Variants in MYO3B observed in about 807,000 individuals in gnomAD.
MYO3B encodes the protein myosin IIIB.
A neutral mutation model predicts 174.6 loss-of-function variants in MYO3B; 156 were observed. The ratio of observed to expected loss-of-function variants is 0.89; its 90% confidence interval spans 0.78 to 1.02. The LOEUF is 1.02. Among genes scored for constraint, MYO3B ranks in the 50% least tolerant of loss-of-function variants. The pLI is 0.00. For missense variants in MYO3B, 1,632 were observed against 1,639.4 expected, an observed-to-expected ratio of 1.00 and a Z score of 0.08; for synonymous variants, 563 against 569.1, an observed-to-expected ratio of 0.99 and a Z score of 0.15.
Position 170,235,939 on chromosome 2 carries a change from C to T in MYO3B, c.604-52C>T, listed in dbSNP as rs2093064737. The stretch of plus-strand genomic sequence containing the variant: ...AGATCAGCCCAGGGCCTTTTTAGGA[C>T]ATCTGATGTGGCAGTAGGGTTGATG... On this transcript the variant is annotated intron_variant, in intron 6 of 34. Coordinates refer to ENST00000408978, the MANE Select transcript of MYO3B (RefSeq NM_138995.5). 5 of 1,607,872 alleles carry T rather than the reference C, an allele frequency of 3.1e-6. No individual in the cohort carries two copies. In the South Asian group the frequency reaches 5.6e-5, roughly 18 times the overall value.
intron 32 of MYO3B, among the ~76,000 whole-genome samples, chr2:170,626,057 A>C (rs536223269): frequency 6.6e-6 from 1 of 152,176 alleles, no homozygotes; most frequent in African/African-American, 2.4e-5. Flanking sequence ...AGTTCTGTAG[A>C]TGTCTATTAT....
In MYO3B at chr2:170,392,447, A is replaced by G. The variant is rs774497084; in HGVS notation, c.1743A>G (p.Gln581=). The change falls in exon 16 of 35, where the codon CAA becomes CAG. Residue 581 remains glutamine, a synonymous_variant. Coordinates refer to ENST00000408978, the MANE Select transcript of MYO3B (RefSeq NM_138995.5). ...DITSKESYRR[Q]FEAIQHCFRI... Reference sequence around the variant, plus strand: ...CTTCCAAGGAGTCTTACAGAAGACAATTCGAAGCAATTCAGCATTGCTTCA... The same window carrying G: ...CTTCCAAGGAGTCTTACAGAAGACAGTTCGAAGCAATTCAGCATTGCTTCA... 6.3e-7 allele frequency: 1 copy of G among 1,599,172 alleles called. No homozygotes were observed. Among genetic ancestry groups the G allele is most frequent in the South Asian group, 1.1e-5 (1 of 87,912 alleles).
At chr2:170,198,519 C>T (rs1039855607) in intron 1 of MYO3B, among the ~76,000 whole-genome samples, 5 of 152,144 alleles carry the variant, frequency 3.3e-5, no homozygotes, top group Non-Finnish European at 5.9e-5. Flanking sequence ...ATTCTTCTGA[C>T]TATTGATTTT....
intron 32 of MYO3B, among the ~76,000 whole-genome samples, chr2:170,630,392 C>A (rs1260337161): frequency 6.6e-6 from 1 of 152,214 alleles, no homozygotes; most frequent in Non-Finnish European, 1.5e-5. Context: ...AACAAAGCTG[C>A]CAGGAAGCTC....
intron 15 of MYO3B, 143 bp downstream of exon 15, chr2:170,391,761 TA>T (rs2105767563): frequency 1.7e-6 from 1 of 588,122 alleles, no homozygotes; most frequent in Non-Finnish European, 3.0e-6. Flanking sequence ...TGGCAGGAAG[TA>T]TCCACCATTT....
chr2:170,203,001 TAA>T (rs1257182793), intron 3 of MYO3B, among the ~76,000 whole-genome samples: 1 of 152,232 alleles, frequency 6.6e-6, no homozygotes, highest in Admixed American at 6.5e-5. Flanking sequence ...AATTCATTAC[TAA>T]TTGTTAGTAG....
At chr2:170,231,161 G>A (rs10194327) in intron 6 of MYO3B, among the ~76,000 whole-genome samples, 102,467 of 152,096 alleles carry the variant, frequency 0.67, 35,039 homozygotes, top group African/African-American at 0.78. Context: ...ATAGATTCCC[G>A]CAGGAGAGGG....
intron 32 of MYO3B, chr2:170,641,085 G>C (rs1333179275): frequency 6.6e-6 from 1 of 152,152 alleles, no homozygotes; most frequent in South Asian, 2.1e-4. Flanking sequence ...TACTCCAATA[G>C]ACTGGCAACA....
chr2:170,650,672 C>CTTTTT (rs766676996), intron 32 of MYO3B, among the ~76,000 whole-genome samples: 3 of 76,992 alleles, frequency 3.9e-5, no homozygotes, highest in African/African-American at 1.2e-4. Context: ...TGAATTATGA[C>CTTTTT]TTTTTTTTTT....
intron 23 of MYO3B, among the ~76,000 whole-genome samples, chr2:170,451,581 A>C (rs1328005634): frequency 6.6e-6 from 1 of 152,276 alleles, no homozygotes; most frequent in African/African-American, 2.4e-5. Flanking sequence ...CTAAAGTCAC[A>C]TGAACAAAAA....
intron 6 of MYO3B, among the ~76,000 whole-genome samples, chr2:170,228,944 G>C (rs1574618495): frequency 8.7e-6 from 1 of 114,344 alleles, no homozygotes; most frequent in Non-Finnish European, 1.6e-5. Context: ...AGTTCATCTA[G>C]TCCATATTCC....
intron 32 of MYO3B, among the ~76,000 whole-genome samples, chr2:170,625,260 T>C (rs1256685803): frequency 6.6e-6 from 1 of 152,210 alleles, no homozygotes; most frequent in Admixed American, 6.5e-5. Flanking sequence ...TATTGGTCTA[T>C]TCAGAGATTC....
chr2:170,378,847 C>T (rs1362019675), intron 9 of MYO3B, among the ~76,000 whole-genome samples: 1 of 152,148 alleles, frequency 6.6e-6, no homozygotes, highest in African/African-American at 2.4e-5. Context: ...CCATTAAATC[C>T]AGGTCAGGAG....
intron 8 of MYO3B, among the ~76,000 whole-genome samples, chr2:170,339,392 A>G (rs75153656): frequency 6.1e-4 from 93 of 152,350 alleles, no homozygotes; most frequent in African/African-American, 2.2e-3. Context: ...AGTCGATTCA[A>G]TACTCTAGGT....
chr2:170,226,906 CA>C (rs1559315939), intron 6 of MYO3B, among the ~76,000 whole-genome samples: 1 of 152,072 alleles, frequency 6.6e-6, no homozygotes, highest in Non-Finnish European at 1.5e-5. Context: ...CTTCATCCAC[CA>C]AAGAGGAAAA....
At chr2:170,510,898 T>C (rs1687937633) in intron 28 of MYO3B, among the ~76,000 whole-genome samples, 1 of 152,212 alleles carries the variant, frequency 6.6e-6, no homozygotes, top group Admixed American at 6.5e-5. Context: ...CATCTGCGTG[T>C]TGCGTTTTTT....
intron 6 of MYO3B, among the ~76,000 whole-genome samples, chr2:170,222,896 T>C (rs2092916172): frequency 6.6e-6 from 1 of 152,126 alleles, no homozygotes; most frequent in South Asian, 2.1e-4. Context: ...CTGCAGGTTA[T>C]AGATGCTAGC....
intron 32 of MYO3B, among the ~76,000 whole-genome samples, chr2:170,594,101 T>G (rs1170311275): frequency 6.6e-6 from 1 of 152,128 alleles, no homozygotes; most frequent in Non-Finnish European, 1.5e-5. Context: ...GGCCAGAACT[T>G]TGGGTATGTG....
chr2:170,464,685 G>A (rs559026973), intron 24 of MYO3B, among the ~76,000 whole-genome samples: 5 of 152,254 alleles, frequency 3.3e-5, no homozygotes, highest in South Asian at 2.1e-4. Context: ...GCATTGAGTC[G>A]TGCTATAGCA....
Sources: gnomAD v4.1 joint callset for allele counts (sites outside exome capture counted in the v4.1 genomes callset) on GRCh38, gnomAD v4.1.1 for gene constraint, MANE v1.5 for transcripts, NCBI Gene and HGNC (gene_info 2026-07-23, HGNC 2026-07-21) for gene names.